Variants in CRNKL1 observed in about 807,000 individuals in gnomAD.
CRNKL1 encodes the protein crooked neck-like protein 1.
CRNKL1 carries 35 observed loss-of-function variants against 103.7 expected under a neutral mutation model. That is an observed-to-expected ratio of 0.34 (90% CI 0.26 to 0.45). CRNKL1 has a LOEUF of 0.45. Ranked by LOEUF, CRNKL1 falls within the 20% of genes least tolerant of loss-of-function variation. CRNKL1 has a pLI of 1.00. For missense variants in CRNKL1, 645 were observed against 836.0 expected (o/e 0.77, Z 2.82); for synonymous variants, 267 against 282.6 (o/e 0.94, Z 0.55).
At chr20:20,047,712 G>A in intron 5 of CRNKL1, 53 bp downstream of exon 5, 1 of 1,560,828 alleles carries the variant, frequency 6.4e-7, no homozygotes, top group Non-Finnish European at 8.8e-7. Flanking sequence ...TACAGGAGCA[G>A]CAGCAGCATC....
chr20:20,034,984 C>T lies in CRNKL1; in HGVS notation c.*1211G>A, dbSNP rs975217298. The T allele has an allele frequency of 5.3e-5, 8 of 152,156 alleles. No individual in the cohort carries two copies. Among genetic ancestry groups the T allele is most frequent in the Admixed American group, 3.9e-4 (6 of 15,288 alleles). The allele number at this position is 152,156 out of a possible 1,614,324, so 9.4% of individuals were successfully genotyped here. ...AAAGAAAAAATGTGCTTGAGAAACA[C>T]AGTCCAGGTTAAAGGAAAACTCTCA... On this transcript the variant is annotated 3_prime_UTR_variant, in exon 14 of 14. Transcript: ENST00000536226.
chr20:20,055,438 G>A (rs1415744553), upstream of CRNKL1, among the ~76,000 whole-genome samples: 1 of 152,050 alleles, frequency 6.6e-6, no homozygotes. Flanking sequence ...CTCACTTACC[G>A]AGGGGCCCAT....
Position 20,045,440 on chromosome 20 carries a change from G to A in CRNKL1, c.669C>T (p.Arg223=). Residue 223 remains arginine, a synonymous_variant, in exon 6 of 14, where the codon CGC becomes CGT. Coordinates refer to ENST00000536226, the MANE Select transcript of CRNKL1 (RefSeq NM_001278628.2). Reference sequence around the variant, plus strand: ...CAAAATAAGCATGTTTTTCTTCAAAGCGGGCATACTTGATCCAGTTCTTAA... The same window carrying A: ...CAAAATAAGCATGTTTTTCTTCAAAACGGGCATACTTGATCCAGTTCTTAA... ...PDVKNWIKYA[R]FEEKHAYFAH... 6.2e-7 allele frequency: 1 copy of A among 1,612,592 alleles called. No homozygotes were observed. Among genetic ancestry groups the A allele is most frequent in the Non-Finnish European group, 8.5e-7 (1 of 1,179,498 alleles).
At position 20,038,462 on chromosome 20, in the gene CRNKL1, A is replaced by G. The variant is rs1200560389; in HGVS notation, c.1546-12T>C. On this transcript the variant is annotated splice_polypyrimidine_tract_variant and intron_variant, in intron 11 of 13. Transcript: ENST00000536226. ...GATTTCCAAAGCACCTAAGGAAGAA[A>G]AGTAAATGGGTCAGTCTTGACATTT... The G allele has an allele frequency of 6.8e-7, 1 of 1,477,718 alleles. No individual in the cohort carries two copies. 91.5% of individuals were successfully genotyped at this position (1,477,718 alleles called of 1,614,324 possible).
At position 20,034,916 on chromosome 20, in the gene CRNKL1, A is replaced by AAAAC. The variant is rs1399155496; in HGVS notation, c.*1275_*1278dup. 2 of 152,250 alleles carry AAAAC rather than the reference A, an allele frequency of 1.3e-5. No homozygotes were observed. The highest frequency in any genetic ancestry group is 2.9e-5 in the Non-Finnish European group (2 of 68,042). 9.4% of individuals were successfully genotyped at this position (152,250 alleles called of 1,614,324 possible). A position where few individuals can be genotyped will look rare whatever the true frequency, so the allele number is the denominator to read the frequency against. ...TGCTTACTAAAGGTCCTTTTAGGGGAAAACAACCTTAAAAATACAGTTCTA... is the reference window on the plus strand; with the variant it reads ...TGCTTACTAAAGGTCCTTTTAGGGGAAAACAAACAACCTTAAAAATACAGTTCTA... On this transcript the variant is annotated 3_prime_UTR_variant, in exon 14 of 14. Coordinates refer to ENST00000536226, the MANE Select transcript of CRNKL1 (RefSeq NM_001278628.2).
intron 11 of CRNKL1, 148 bp from the exon 12 acceptor site, chr20:20,038,598 T>G (rs1278917037): frequency 1.9e-6 from 1 of 539,182 alleles, no homozygotes; most frequent in African/African-American, 2.0e-5. Flanking sequence ...ATAAGATAAA[T>G]AACATTGGTA....
Position 20,049,392 on chromosome 20 carries a change from TA to T in CRNKL1, c.243del (p.Ser82ValfsTer4). On this transcript the variant is annotated frameshift_variant, in exon 3 of 14. Transcript: ENST00000536226. LOFTEE classifies it high-confidence loss of function. ...EDNIRKNRTV[I>X]SNWIKYAQWE... ...CATTGTGCGTATTTTATCCAGTTAC[TA>T]ATCACAGTCCTGTTTTTTCTTATAT... 1.2e-6 allele frequency: 2 copies of T among 1,605,466 alleles called. No homozygotes were observed. Among genetic ancestry groups the T allele is most frequent in the Non-Finnish European group, 1.7e-6 (2 of 1,174,160 alleles).
chr20:20,048,004 A>ATT, intron 4 of CRNKL1, 73 bp from the exon 5 acceptor site: 4 of 1,478,482 alleles, frequency 2.7e-6, no homozygotes, highest in Non-Finnish European at 3.7e-6. Context: ...AAGATTGAAG[A>ATT]TTTTACCTTT....
chr20:20,050,353 G>A (rs2043668367), intron 2 of CRNKL1, 117 bp downstream of exon 2: 2 of 774,828 alleles, frequency 2.6e-6, no homozygotes, highest in Non-Finnish European at 4.0e-6. Flanking sequence ...CATTATTCAT[G>A]CGTCTGGAAA....
Position 20,042,363 on chromosome 20 carries a change from A to C in CRNKL1, c.1126T>G (p.Trp376Gly). 6.2e-7 allele frequency: 1 copy of C among 1,613,580 alleles called. No individual in the cohort carries two copies. The highest frequency in any genetic ancestry group is 8.5e-7 in the Non-Finnish European group (1 of 1,179,860). ...TCTTCATAGAGTGCATAGTTGATCC[A>C]AAGATAAATGTAGCGCTTCCAGTGC... ...KRHWKRYIYLWINYALYEELE... is the reference protein window; with the variant it reads ...KRHWKRYIYLGINYALYEELE... Residue 376 changes from tryptophan to glycine, a missense_variant, in exon 8 of 14, where the codon TGG becomes GGG. Coordinates refer to ENST00000536226, the MANE Select transcript of CRNKL1 (RefSeq NM_001278628.2).
intron 13 of CRNKL1, among the ~76,000 whole-genome samples, 185 bp downstream of exon 13, chr20:20,037,138 C>T (rs1196528514): frequency 2.6e-5 from 4 of 152,228 alleles, no homozygotes; most frequent in African/African-American, 7.2e-5. Flanking sequence ...CGTTCTCCAC[C>T]TCTGACTGGA....
In CRNKL1 at chr20:20,047,788, C is replaced by T. The variant is rs754014997; in HGVS notation, c.599G>A (p.Arg200Gln). 9 of 1,614,246 alleles carry T rather than the reference C, an allele frequency of 5.6e-6. No individual in the cohort carries two copies. Among genetic ancestry groups the T allele is most frequent in the East Asian group, 2.2e-5 (1 of 44,886 alleles). The stretch of plus-strand genomic sequence containing the variant: ...ATATCGCTCATAAATGGTGCGGGCC[C>T]GATCCACCTCTTTGTATCTCAGCTC... ...NFELRYKEVD[R>Q]ARTIYERFVL... The change falls in exon 5 of 14, where the codon CGG (arginine) becomes CAG (glutamine). Residue 200 changes from arginine to glutamine, a missense_variant. Physicochemically the swap from Arg to Gln is conservative, Grantham distance 43. Around this residue, in one of 2 missense-constraint regions of CRNKL1, gnomAD observed 582 missense variants for 707.7 expected, o/e 0.82. Transcript: ENST00000536226.
intron 5 of CRNKL1, among the ~76,000 whole-genome samples, chr20:20,046,127 C>T (rs1054349141): frequency 1.3e-5 from 2 of 152,016 alleles, no homozygotes; most frequent in Non-Finnish European, 2.9e-5. Flanking sequence ...TAATATATTC[C>T]AATATGGCAA....
rs545343763 is a variant in CRNKL1 at position 20,045,631 on chromosome 20, A to C, written c.623-145T>G. The C allele has an allele frequency of 1.0e-5, 7 of 669,694 alleles. No individual in the cohort carries two copies. The African/African-American group carries it at 1.3e-4, about 12-fold the overall frequency. The allele number at this position is 669,694 out of a possible 1,614,324, so 41.5% of individuals were successfully genotyped here. A position where few individuals can be genotyped will look rare whatever the true frequency, so the allele number is the denominator to read the frequency against. On this transcript the variant is annotated intron_variant, in intron 5 of 13. Coordinates refer to ENST00000536226, the MANE Select transcript of CRNKL1 (RefSeq NM_001278628.2). ...GGGAACAAAACACATACAAAAGTGT[A>C]GAATTAAACAGTGGCTTCTGTGAGA...
At chr20:20,054,778 T>C (rs180785976), upstream of CRNKL1, among the ~76,000 whole-genome samples, 36 of 152,392 alleles carry the variant, frequency 2.4e-4, no homozygotes, top group African/African-American at 8.7e-4. Context: ...ATAGACAGTC[T>C]GTCTTTTGTC....
At chr20:20,053,682 T>A (rs1267768951), upstream of CRNKL1, among the ~76,000 whole-genome samples, 1 of 152,234 alleles carries the variant, frequency 6.6e-6, no homozygotes, top group Admixed American at 6.5e-5. Context: ...ATAACCAACA[T>A]CAATGTATTT....
In CRNKL1 at chr20:20,036,292, T is replaced by C; in HGVS notation, c.1967A>G (p.Lys656Arg). ...PEDAANQPNL[K>R]LLAMAKLWKK... Reference sequence around the variant, plus strand: ...CCACAGTTTGGCCATGGCCAGGAGTTTGAGGTTAGGTTGGTTGGCAGCATC... The same window carrying C: ...CCACAGTTTGGCCATGGCCAGGAGTCTGAGGTTAGGTTGGTTGGCAGCATC... The change falls in exon 14 of 14, where the codon AAA becomes AGA. Residue 656 changes from lysine (K) to arginine (R), a missense_variant. Lys to Arg is a conservative substitution (Grantham distance 26, BLOSUM62 2). Transcript: ENST00000536226. 2 of 1,614,214 alleles carry C rather than the reference T, an allele frequency of 1.2e-6. No homozygotes were observed. Among genetic ancestry groups the C allele is most frequent in the Non-Finnish European group, 1.7e-6 (2 of 1,180,022 alleles).
intron 7 of CRNKL1, among the ~76,000 whole-genome samples, chr20:20,042,990 TAAGG>T (rs1404301416): frequency 6.6e-6 from 1 of 152,178 alleles, no homozygotes; most frequent in Non-Finnish European, 1.5e-5. Context: ...TTAACTTGAC[TAAGG>T]AAGAGTATTT....
At chr20:20,047,695 A>T in intron 5 of CRNKL1, 70 bp downstream of exon 5, 1 of 1,475,648 alleles carries the variant, frequency 6.8e-7, no homozygotes, top group Non-Finnish European at 9.3e-7. Flanking sequence ...TGATCATGAG[A>T]CATCTCTACA....
Sources: allele counts gnomAD v4.1 joint callset (sites outside exome capture counted in the v4.1 genomes callset), GRCh38; gene constraint gnomAD v4.1.1; regional missense constraint gnomAD v4.1.1; transcripts MANE v1.5; gene names NCBI Gene and HGNC (gene_info 2026-07-23, HGNC 2026-07-21).